Variants in FRMD6 observed in about 807,000 individuals in gnomAD.
FRMD6 encodes the protein FERM domain containing 6, also known as FERM domain-containing protein 6.
Under a neutral mutation model 73.2 loss-of-function variants are expected in FRMD6, and 37 were observed. The observed-to-expected ratio is 0.51, with a 90% CI of 0.39 to 0.66. The LOEUF is 0.66. Ranked by LOEUF, FRMD6 falls within the 30% of genes least tolerant of loss-of-function variation. The pLI is 0.00. For synonymous variants in FRMD6, 273 were observed against 282.2 expected, an observed-to-expected ratio of 0.97 and a Z score of 0.33; for missense variants, 714 against 780.5, an observed-to-expected ratio of 0.91 and a Z score of 1.02.
At chr14:51,618,731 A>T (rs1890806696) in intron 2 of FRMD6, among the ~76,000 whole-genome samples, 1 of 152,146 alleles carries the variant, frequency 6.6e-6, no homozygotes, top group Non-Finnish European at 1.5e-5. Context: ...TATAGGAGAA[A>T]CAGGTTTGGG....
chr14:51,550,544 C>T (rs1596579636), intron 1 of FRMD6, among the ~76,000 whole-genome samples: 1 of 151,126 alleles, frequency 6.6e-6, no homozygotes. Flanking sequence ...GAGGCCTTGC[C>T]AGTGCCAGCC....
chr14:51,406,086 A>G, the FRMD6 span, among the ~76,000 whole-genome samples: 5 of 152,130 alleles, frequency 3.3e-5, no homozygotes, highest in African/African-American at 1.2e-4. Context: ...TTTATTTAAT[A>G]GGGAATCCTT....
chr14:51,560,197 C>G (rs1039366492), intron 1 of FRMD6, among the ~76,000 whole-genome samples: 1 of 152,148 alleles, frequency 6.6e-6, no homozygotes, highest in African/African-American at 2.4e-5. Context: ...TGTGAGAAGG[C>G]AGAGTCTCAC....
intron 2 of FRMD6, among the ~76,000 whole-genome samples, chr14:51,585,939 G>GTGTATATATATATATATATATATA: frequency 6.4e-5 from 2 of 31,414 alleles, no homozygotes; most frequent in African/African-American, 1.4e-4. Context: ...GTGTGTGTGT[G>GTGTATATATATATATATATATATA]TATATATATA....
the FRMD6 span, among the ~76,000 whole-genome samples, chr14:51,433,528 G>C: frequency 6.6e-6 from 1 of 152,176 alleles, no homozygotes; most frequent in Non-Finnish European, 1.5e-5. Flanking sequence ...CTGCTCATTT[G>C]TGCCTAAGTA....
intron 2 of FRMD6, among the ~76,000 whole-genome samples, chr14:51,612,864 G>A (rs998835092): frequency 1.3e-5 from 2 of 152,186 alleles, no homozygotes; most frequent in African/African-American, 4.8e-5. Flanking sequence ...AATATAACAT[G>A]ATAGATATGT....
intron 9 of FRMD6, chr14:51,714,431 T>A (rs1413692413): frequency 2.6e-5 from 4 of 152,222 alleles, no homozygotes; most frequent in Non-Finnish European, 5.9e-5. Context: ...TTACCTCCAC[T>A]CTCTGGCTGA....
chr14:51,558,732 G>A (rs1168235127), intron 1 of FRMD6, among the ~76,000 whole-genome samples: 1 of 152,068 alleles, frequency 6.6e-6, no homozygotes, highest in Non-Finnish European at 1.5e-5. Context: ...TGGTAACATA[G>A]TAGCCCTTAG....
At chr14:51,572,316 AC>A in intron 2 of FRMD6, among the ~76,000 whole-genome samples, 1 of 152,398 alleles carries the variant, frequency 6.6e-6, no homozygotes, top group East Asian at 1.9e-4. Context: ...TATTCAATGT[AC>A]AAAGCAAAAC....
intron 1 of FRMD6, among the ~76,000 whole-genome samples, chr14:51,504,415 G>A (rs1883827641): frequency 6.6e-6 from 1 of 152,232 alleles, no homozygotes; most frequent in Non-Finnish European, 1.5e-5. Flanking sequence ...ACGGGGTCAG[G>A]CACTTGCTTG....
the FRMD6 span, among the ~76,000 whole-genome samples, chr14:51,471,072 C>A: frequency 6.6e-6 from 1 of 152,146 alleles, no homozygotes. Flanking sequence ...CTATGAATTG[C>A]TTACTAATGG....
At chr14:51,436,741 CG>C in the FRMD6 span, 4 of 527,570 alleles carry the variant, frequency 7.6e-6, no homozygotes, top group Non-Finnish European at 6.9e-6. Flanking sequence ...ACTTGGTTTC[CG>C]ATATGGATGA....
chr14:51,441,307 C>G, the FRMD6 span, among the ~76,000 whole-genome samples: 1 of 152,210 alleles, frequency 6.6e-6, no homozygotes, highest in Non-Finnish European at 1.5e-5. Context: ...ACACTTCTAT[C>G]AGGCAATTGC....
intron 1 of FRMD6, among the ~76,000 whole-genome samples, chr14:51,557,100 A>T (rs141216152): frequency 3.5e-4 from 54 of 152,238 alleles, no homozygotes; most frequent in African/African-American, 1.3e-3. Flanking sequence ...AGCCTGGGCA[A>T]CATAGTGAGA....
At chr14:51,656,933 A>C (rs1398297066) in intron 1 of FRMD6, among the ~76,000 whole-genome samples, 1 of 152,232 alleles carries the variant, frequency 6.6e-6, no homozygotes, top group Non-Finnish European at 1.5e-5. Flanking sequence ...CAACAACATT[A>C]TCTTTGTACA....
chr14:51,689,739 T>C lies in FRMD6; in HGVS notation c.-98T>C. 1.3e-6 allele frequency: 1 copy of C among 760,612 alleles called. No homozygotes were observed. The highest frequency in any genetic ancestry group is 2.4e-6 in the Non-Finnish European group (1 of 412,098). The allele number at this position is 760,612 out of a possible 1,614,324, so 47.1% of individuals were successfully genotyped here. ...ACCGTGATGCTTCTCCTGCAGGGCG[T>C]GTGATGAGGAGGCGAGCTTGGCTTT... On this transcript the variant is annotated 5_prime_UTR_variant, in exon 2 of 14. Transcript: ENST00000344768.
intron 1 of FRMD6, among the ~76,000 whole-genome samples, chr14:51,519,774 G>T (rs1186554980): frequency 6.6e-6 from 1 of 152,152 alleles, no homozygotes; most frequent in Admixed American, 6.6e-5. Context: ...AAGGAATGAG[G>T]CAGAGACTCC....
chr14:51,400,558 A>G, the FRMD6 span, among the ~76,000 whole-genome samples: 2 of 152,190 alleles, frequency 1.3e-5, no homozygotes, highest in African/African-American at 4.8e-5. Flanking sequence ...AAAAATTTCA[A>G]TCTGTTTTTT....
At chr14:51,642,522 G>C (rs1053067888) in intron 2 of FRMD6, among the ~76,000 whole-genome samples, 1 of 152,192 alleles carries the variant, frequency 6.6e-6, no homozygotes, top group Non-Finnish European at 1.5e-5. Flanking sequence ...GGCGACAAGA[G>C]AGAAACTCCA....
Sources: gnomAD v4.1 joint callset for allele counts (sites outside exome capture counted in the v4.1 genomes callset) on GRCh38, gnomAD v4.1.1 for gene constraint, MANE v1.5 for transcripts, NCBI Gene and HGNC (gene_info 2026-07-23, HGNC 2026-07-21) for gene names.